Variants in MAPKAPK5 observed in about 807,000 individuals in gnomAD.
The protein encoded by MAPKAPK5 is MAPK activated protein kinase 5, also known as MAP kinase-activated protein kinase 5.
MAPKAPK5 carries 30 observed loss-of-function variants against 65.1 expected under a neutral mutation model. The observed-to-expected ratio is 0.46, with a 90% CI of 0.34 to 0.63. The LOEUF (loss-of-function observed/expected upper bound fraction) is 0.63. MAPKAPK5 is among the 20% of genes least tolerant of loss of function. MAPKAPK5 has a pLI of 0.01. For synonymous variants in MAPKAPK5, 179 were observed against 204.6 expected, an observed-to-expected ratio of 0.87 and a Z score of 1.07; for missense variants, 433 against 581.4, an observed-to-expected ratio of 0.74 and a Z score of 2.63.
chr12:111,877,025 A>ATTTT lies in MAPKAPK5; in HGVS notation c.580-3414_580-3411dup, dbSNP rs60828767. On this transcript the variant is annotated intron_variant, in intron 7 of 13. Transcript: ENST00000550735. ...CATTGTGGTTTTAATTTTAATTTTA[A>ATTTT]TTTTTTTTTTTGAGATGGAGTCTTG... Among the ~76,000 whole-genome samples the ATTTT allele has an allele frequency of 3.9e-4, 54 of 139,710 alleles. No individual in the cohort carries two copies. In the East Asian group the frequency reaches 9.9e-3, roughly 26 times the overall value. The allele number at this position is 139,710 out of a possible 152,430, so 91.7% of individuals were successfully genotyped here. A position where few individuals can be genotyped will look rare whatever the true frequency, so the allele number is the denominator to read the frequency against.
intron 1 of MAPKAPK5, 153 bp downstream of exon 1, chr12:111,842,922 T>C: frequency 1.5e-6 from 1 of 650,038 alleles, no homozygotes; most frequent in Non-Finnish European, 2.3e-6. Context: ...TTTACAGCCC[T>C]GGGGCCAAGG....
At position 111,894,327 on chromosome 12, in the gene MAPKAPK5, T is replaced by C. The variant is rs2070723994; in HGVS notation, c.*1266T>C. 1 of 152,450 alleles carries C rather than the reference T, an allele frequency of 6.6e-6. No individual in the cohort carries two copies. The highest frequency in any genetic ancestry group is 6.5e-5 in the Admixed American group (1 of 15,282). The allele number at this position is 152,450 out of a possible 1,614,324, so 9.4% of individuals were successfully genotyped here. Reference sequence around the variant, plus strand: ...GATTACAGGCATGAGCCACCAAGCCTGGCCTATTCTTTATATGTTTAACCG... The same window carrying C: ...GATTACAGGCATGAGCCACCAAGCCCGGCCTATTCTTTATATGTTTAACCG... On this transcript the variant is annotated 3_prime_UTR_variant, in exon 14 of 14. Transcript: ENST00000550735.
chr12:111,879,609 C>T (rs1226958922), intron 7 of MAPKAPK5: 5 of 152,140 alleles, frequency 3.3e-5, no homozygotes, highest in Middle Eastern at 3.1e-3. Flanking sequence ...AGGCTGGTCT[C>T]GAACTCCTGA....
chr12:111,872,352 C>T (rs2069811744), intron 7 of MAPKAPK5, among the ~76,000 whole-genome samples: 1 of 152,160 alleles, frequency 6.6e-6, no homozygotes, highest in Admixed American at 6.5e-5. Context: ...TTAATCACGA[C>T]ATTGTCCTGA....
chr12:111,846,849 C>A (rs1273278025), intron 1 of MAPKAPK5, among the ~76,000 whole-genome samples: 1 of 152,072 alleles, frequency 6.6e-6, no homozygotes, highest in East Asian at 1.9e-4. Context: ...AAATCTCTTG[C>A]CATATTGCCT....
Position 111,883,599 on chromosome 12 carries a change from C to G in MAPKAPK5, c.679C>G (p.Leu227Val). Reference sequence around the variant, plus strand: ...CTTTCAGAGCTGTGACTTGTGGTCCCTAGGGGTGATTATCTATGTGATGCT... The same window carrying G: ...CTTTCAGAGCTGTGACTTGTGGTCCGTAGGGGTGATTATCTATGTGATGCT... ...TYNKSCDLWS[L>V]GVIIYVMLCG... The change falls in exon 9 of 14, where the codon CTA becomes GTA. Residue 227 changes from leucine to valine, a missense_variant. Leu to Val is a conservative substitution (Grantham distance 32). Transcript: ENST00000550735. The surrounding 1 kb of genome is among the most constrained non-coding windows in gnomAD (Gnocchi z 4.8). The G allele has an allele frequency of 6.2e-7, 1 of 1,613,578 alleles. No homozygotes were observed. Among genetic ancestry groups the G allele is most frequent in the Non-Finnish European group, 8.5e-7 (1 of 1,179,690 alleles).
chr12:111,885,728 G>A, intron 9 of MAPKAPK5, 188 bp from the exon 10 acceptor site: 2 of 599,610 alleles, frequency 3.3e-6, no homozygotes, highest in South Asian at 4.8e-5. Flanking sequence ...GTATACAAAG[G>A]ACTGCCTCAA....
intron 7 of MAPKAPK5, among the ~76,000 whole-genome samples, chr12:111,872,705 G>T (rs2069822867): frequency 6.6e-6 from 1 of 152,126 alleles, no homozygotes; most frequent in African/African-American, 2.4e-5. Context: ...GCTTCTAGAG[G>T]CTGCCTACAT....
intron 13 of MAPKAPK5, 138 bp downstream of exon 13, chr12:111,890,282 T>C (rs2070558544): frequency 1.5e-6 from 1 of 653,344 alleles, no homozygotes; most frequent in Admixed American, 2.5e-5. Flanking sequence ...TGGAGCATTG[T>C]GGAATGGGGG....
intron 6 of MAPKAPK5, among the ~76,000 whole-genome samples, chr12:111,870,867 G>C (rs1354223041): frequency 1.3e-5 from 2 of 152,148 alleles, no homozygotes; most frequent in Non-Finnish European, 2.9e-5. Context: ...AAAAATAGCT[G>C]TGTGAGTGGG....
Position 111,895,084 on chromosome 12 carries a change from A to G in MAPKAPK5, c.*2023A>G, listed in dbSNP as rs1016266097. 1.5e-5 allele frequency: 2 copies of G among 136,706 alleles called. No homozygotes were observed. The highest frequency in any genetic ancestry group is 5.6e-5 in the African/African-American group (2 of 35,790). The allele number at this position is 136,706 out of a possible 1,614,324, so 8.5% of individuals were successfully genotyped here. A position where few individuals can be genotyped will look rare whatever the true frequency, so the allele number is the denominator to read the frequency against. ...AGTGTCTTAAGAATTACCTTATTAC[A>G]TTGCTTCCTTTTTTTTTTTTTTTTT... On this transcript the variant is annotated 3_prime_UTR_variant, in exon 14 of 14. Transcript: ENST00000550735.
intron 8 of MAPKAPK5, 57 bp downstream of exon 8, chr12:111,880,584 GGT>G: frequency 6.7e-7 from 1 of 1,495,570 alleles, no homozygotes; most frequent in East Asian, 2.3e-5. Context: ...CCTTTAGTGA[GGT>G]GTTTGTGGCC....
intron 1 of MAPKAPK5, among the ~76,000 whole-genome samples, chr12:111,857,202 A>G (rs533805781): frequency 1.3e-5 from 2 of 149,958 alleles, no homozygotes; most frequent in East Asian, 1.9e-4. Flanking sequence ...TACCTGTTCT[A>G]GTACTTTCTG....
intron 1 of MAPKAPK5, among the ~76,000 whole-genome samples, chr12:111,851,214 G>GT (rs1406941212): frequency 2.0e-5 from 3 of 151,610 alleles, no homozygotes; most frequent in Non-Finnish European, 4.4e-5. Context: ...GCCTTTTAAA[G>GT]TTTTTTTGAC....
chr12:111,881,634 G>A (rs1354321956), intron 8 of MAPKAPK5, among the ~76,000 whole-genome samples: 1 of 151,612 alleles, frequency 6.6e-6, no homozygotes, highest in Non-Finnish European at 1.5e-5. Flanking sequence ...CTGAATTCCT[G>A]ACCTCAGGTG....
intron 13 of MAPKAPK5, among the ~76,000 whole-genome samples, chr12:111,890,648 G>A (rs1461723324): frequency 6.6e-6 from 1 of 152,142 alleles, no homozygotes; most frequent in African/African-American, 2.4e-5. Flanking sequence ...AGGTAGAGAT[G>A]AATTTCTTGA....
At chr12:111,874,900 G>A (rs915196807) in intron 7 of MAPKAPK5, among the ~76,000 whole-genome samples, 2 of 146,252 alleles carry the variant, frequency 1.4e-5, no homozygotes, top group Non-Finnish European at 3.0e-5. Flanking sequence ...TCAGCCTCCC[G>A]AGTAGCTGGG....
rs1593205431 is a variant in MAPKAPK5, at chr12:111,900,474, T to C, written c.*7413T>C. 1 of 455,992 alleles carries C rather than the reference T, an allele frequency of 2.2e-6. No individual in the cohort carries two copies. Among genetic ancestry groups the C allele is most frequent in the Admixed American group, 2.3e-5 (1 of 42,556 alleles). 28.2% of individuals were successfully genotyped at this position (455,992 alleles called of 1,614,324 possible). On this transcript the variant is annotated 3_prime_UTR_variant, in exon 14 of 14. Transcript: ENST00000550735. ...CACAAAAGAAAGTGGCTTCAGCAGC[T>C]GCAGCTCTGACTACTTCTACCAGTT...
In MAPKAPK5 at chr12:111,900,447, A is replaced by G. The variant is rs1301205592; in HGVS notation, c.*7386A>G. 6.6e-6 allele frequency: 3 copies of G among 455,872 alleles called. No homozygotes were observed. The highest frequency in any genetic ancestry group is 1.3e-5 in the Non-Finnish European group (3 of 226,778). 28.2% of individuals were successfully genotyped at this position (455,872 alleles called of 1,614,324 possible). On this transcript the variant is annotated 3_prime_UTR_variant, in exon 14 of 14. Transcript: ENST00000550735. ...GCACTTTTGCCTCATGCATGAAAAT[A>G]TCACAAAAGAAAGTGGCTTCAGCAG...
Sources: gnomAD v4.1 joint callset for allele counts (sites outside exome capture counted in the v4.1 genomes callset) on GRCh38, gnomAD v4.1.1 for gene constraint, Gnocchi (gnomAD v3.1) non-coding constraint, MANE v1.5 for transcripts, NCBI Gene and HGNC (gene_info 2026-07-23, HGNC 2026-07-21) for gene names.